The following CACNA1H variants were observed in gnomAD, a reference collection of about 807,000 sequenced individuals.
CACNA1H encodes voltage-dependent T-type calcium channel subunit alpha-1H.
Under a neutral mutation model 192.5 loss-of-function variants are expected in CACNA1H, and 149 were observed. That is an observed-to-expected ratio of 0.77 (90% CI 0.68 to 0.89). The LOEUF is 0.89. CACNA1H is among the 40% of genes least tolerant of loss of function. CACNA1H has a pLI of 0.00. For synonymous variants in CACNA1H, 2,202 were observed against 1,475.2 expected (o/e 1.49, Z -11.29); for missense variants, 4,257 against 3,423.5 (o/e 1.24, Z -6.08).
intron 2 of CACNA1H, among the ~76,000 whole-genome samples, chr16:1,160,822 T>C (rs1963097909): frequency 6.6e-6 from 1 of 152,086 alleles, no homozygotes; most frequent in African/African-American, 2.4e-5. Context: ...TGGGTGGGTG[T>C]GGCCGCCGCC....
intron 6 of CACNA1H, among the ~76,000 whole-genome samples, chr16:1,199,510 A>AC (rs1967506258): frequency 7.3e-6 from 1 of 136,960 alleles, no homozygotes; most frequent in Non-Finnish European, 1.6e-5. Flanking sequence ...CATATGTCCC[A>AC]CCCCCAGTGC....
intron 2 of CACNA1H, among the ~76,000 whole-genome samples, chr16:1,183,526 T>C (rs1325552723): frequency 6.6e-6 from 1 of 152,198 alleles, no homozygotes; most frequent in Non-Finnish European, 1.5e-5. Flanking sequence ...TCCTGGATCG[T>C]GTGGCTGCCT....
Position 1,219,140 on chromosome 16 carries a change from G to T in CACNA1H, c.6048+10G>T. ...GCTGCTCTGCAGACAGGTAGGAGAA[G>T]CCGTTGGCCTGCAGCAGAGGCTGGC... On this transcript the variant is annotated intron_variant, in intron 34 of 34. Transcript: ENST00000348261. 1 of 1,520,000 alleles carries T rather than the reference G, an allele frequency of 6.6e-7. No homozygotes were observed. The allele number at this position is 1,520,000 out of a possible 1,614,324, so 94.2% of individuals were successfully genotyped here. A position where few individuals can be genotyped will look rare whatever the true frequency, so the allele number is the denominator to read the frequency against.
intron 31 of CACNA1H, 141 bp from the exon 32 acceptor site, chr16:1,217,778 C>A: frequency 1.7e-6 from 2 of 1,165,878 alleles, no homozygotes; most frequent in Non-Finnish European, 2.3e-6. Context: ...CCAGGCAGGG[C>A]GAACCGCCAG....
At chr16:1,178,900 C>T (rs79506674) in intron 2 of CACNA1H, among the ~76,000 whole-genome samples, 6,183 of 152,290 alleles carry the variant, frequency 0.041, 406 homozygotes, top group African/African-American at 0.14. Context: ...AGGGTGGCCC[C>T]GCGCCCTTGC....
chr16:1,210,715 C>T (rs560567653), intron 20 of CACNA1H, 64 bp downstream of exon 20: 12 of 1,576,580 alleles, frequency 7.6e-6, no homozygotes, highest in East Asian at 6.9e-5. Context: ...TCCCCACCCC[C>T]ACCCAGCAGC....
intron 31 of CACNA1H, 65 bp from the exon 32 acceptor site, chr16:1,217,854 G>A (rs1970158053): frequency 6.6e-7 from 1 of 1,518,210 alleles, no homozygotes; most frequent in Non-Finnish European, 8.9e-7. Context: ...TGTGGAGGCT[G>A]GGTGCATGTC....
chr16:1,203,951 C>T lies in CACNA1H; in HGVS notation c.2003-59C>T, dbSNP rs373007266. On this transcript the variant is annotated intron_variant, in intron 9 of 34. Transcript: ENST00000348261. ...CACCGCTCCTGTGTGTGAGGGTTCC[C>T]GGGCCCTTGTGGCAGCACCACTGAG... 154 of 1,327,842 alleles carry T rather than the reference C, an allele frequency of 1.2e-4. 1 individual carries two copies. Among genetic ancestry groups the T allele is most frequent in the Admixed American group, 5.7e-4 (23 of 40,558 alleles). The allele number at this position is 1,327,842 out of a possible 1,614,324, so 82.3% of individuals were successfully genotyped here.
chr16:1,207,845 G>A lies in CACNA1H; in HGVS notation c.3139G>A (p.Glu1047Lys), dbSNP rs1555514736. ...CGAGGAGGACTTCCACAAGCTCAGA[G>A]AACTCCAGACCACAGGTGCGTGTGG... ...HFEEDFHKLR[E>K]LQTTELKMCS... The change falls in exon 15 of 35, where the codon GAA becomes AAA. Residue 1047 changes from glutamate (E) to lysine (K), a missense_variant. Glu to Lys is a moderately conservative substitution (Grantham distance 56, BLOSUM62 1). Transcript: ENST00000348261. 1 of 1,596,392 alleles carries A rather than the reference G, an allele frequency of 6.3e-7. No individual in the cohort carries two copies. Among genetic ancestry groups the A allele is most frequent in the Non-Finnish European group, 8.5e-7 (1 of 1,171,900 alleles).
chr16:1,209,659 G>T (rs1434468274), intron 17 of CACNA1H, among the ~76,000 whole-genome samples: 1 of 152,218 alleles, frequency 6.6e-6, no homozygotes, highest in Non-Finnish European at 1.5e-5. Flanking sequence ...CCTGCATACG[G>T]GGGCTGGGCT....
chr16:1,192,172 C>A (rs926429227), intron 2 of CACNA1H, among the ~76,000 whole-genome samples: 4 of 152,212 alleles, frequency 2.6e-5, no homozygotes, highest in South Asian at 4.1e-4. Flanking sequence ...TCCGAGAGGT[C>A]GGGGAGGGGC....
At chr16:1,155,281 T>C (rs757107854) in intron 2 of CACNA1H, among the ~76,000 whole-genome samples, 23 of 152,298 alleles carry the variant, frequency 1.5e-4, no homozygotes, top group Non-Finnish European at 2.8e-4. Context: ...CCACACCCGC[T>C]GCCCGGGCGG....
At chr16:1,190,352 G>A (rs1966491151) in intron 2 of CACNA1H, among the ~76,000 whole-genome samples, 1 of 152,244 alleles carries the variant, frequency 6.6e-6, no homozygotes, top group African/African-American at 2.4e-5. Context: ...GAAGTCACCA[G>A]GCTCCGTGCG....
At chr16:1,160,873 G>C (rs928824210) in intron 2 of CACNA1H, among the ~76,000 whole-genome samples, 2 of 152,134 alleles carry the variant, frequency 1.3e-5, no homozygotes, top group Non-Finnish European at 2.9e-5. Flanking sequence ...CGGGACGCCA[G>C]AGCACCCCAT....
At chr16:1,195,174 C>T in intron 3 of CACNA1H, 91 bp downstream of exon 3, 1 of 935,176 alleles carries the variant, frequency 1.1e-6, no homozygotes, top group Non-Finnish European at 1.6e-6. Context: ...GGGCAAGGTT[C>T]AAGGTGGGGC....
rs1969455747 is a variant in CACNA1H at position 1,211,582 on chromosome 16, G to A, written c.4452G>A (p.Lys1484=). The A allele has an allele frequency of 6.2e-7, 1 of 1,610,394 alleles. No individual in the cohort carries two copies. Residue 1484 remains lysine (K), a synonymous_variant, in exon 23 of 35, where the codon AAG becomes AAA. Transcript: ENST00000348261. Reference sequence around the variant, plus strand: ...CCCACTACCGCTGGGTGCGACGCAAGTACAACTTCGACAACCTGGGCCAGG... The same window carrying A: ...CCCACTACCGCTGGGTGCGACGCAAATACAACTTCGACAACCTGGGCCAGG... The part of the protein sequence containing the change: ...RAAHYRWVRR[K]YNFDNLGQAL...
chr16:1,203,705 C>T (rs1968283761), intron 9 of CACNA1H, among the ~76,000 whole-genome samples: 1 of 152,194 alleles, frequency 6.6e-6, no homozygotes, highest in Non-Finnish European at 1.5e-5. Flanking sequence ...TTGCAAGTCC[C>T]CGGCTTGTCG....
At chr16:1,189,295 C>T (rs1201958706) in intron 2 of CACNA1H, among the ~76,000 whole-genome samples, 1 of 147,134 alleles carries the variant, frequency 6.8e-6, no homozygotes, top group Non-Finnish European at 1.5e-5. Context: ...AGGAAGGGGG[C>T]TTAGCACCTG....
At chr16:1,169,533 A>C (rs1282119817) in intron 2 of CACNA1H, among the ~76,000 whole-genome samples, 1 of 151,928 alleles carries the variant, frequency 6.6e-6, no homozygotes, top group African/African-American at 2.4e-5. Context: ...CCCCGTGGGC[A>C]GCGACCCCAA....
Sources: allele counts gnomAD v4.1 joint callset (sites outside exome capture counted in the v4.1 genomes callset), GRCh38; gene constraint gnomAD v4.1.1; transcripts MANE v1.5; gene names NCBI Gene and HGNC (gene_info 2026-07-23, HGNC 2026-07-21).